The following KIF6 variants were observed in gnomAD, a reference collection of about 807,000 sequenced individuals.
KIF6 encodes the protein kinesin family member 6.
KIF6 carries 106 observed loss-of-function variants against 112.7 expected under a neutral mutation model. That is an observed-to-expected ratio of 0.94 (90% CI 0.80 to 1.11). The LOEUF (loss-of-function observed/expected upper bound fraction) is 1.11. KIF6 is among the 50% of genes least tolerant of loss of function. The pLI is 0.00. For synonymous variants in KIF6, 339 were observed against 339.9 expected (o/e 1.00, Z 0.03); for missense variants, 929 against 964.0 (o/e 0.96, Z 0.48).
chr6:39,540,823 A>G (rs1045790231), intron 12 of KIF6, among the ~76,000 whole-genome samples: 3 of 152,264 alleles, frequency 2.0e-5, no homozygotes, highest in Admixed American at 6.5e-5. Context: ...GTAACAGAAA[A>G]GAAGCGAATT....
chr6:39,477,753 C>T (rs536793010), intron 13 of KIF6, among the ~76,000 whole-genome samples: 3 of 151,892 alleles, frequency 2.0e-5, no homozygotes, highest in Non-Finnish European at 2.9e-5. Flanking sequence ...CCCAGCTACT[C>T]GGGAGGCTGA....
At chr6:39,477,327 C>A (rs1361123732) in intron 13 of KIF6, among the ~76,000 whole-genome samples, 2 of 152,106 alleles carry the variant, frequency 1.3e-5, no homozygotes, top group East Asian at 3.9e-4. Flanking sequence ...CTTATAAATG[C>A]ATGCGGATTT....
intron 3 of KIF6, chr6:39,690,686 G>T (rs1788148991): frequency 6.6e-6 from 1 of 152,296 alleles, no homozygotes; most frequent in African/African-American, 2.4e-5. Context: ...AGTAAAGGAG[G>T]ACTCAAGGTA....
chr6:39,662,909 CTCTT>C (rs1428452173), intron 3 of KIF6, among the ~76,000 whole-genome samples: 1 of 151,248 alleles, frequency 6.6e-6, no homozygotes, highest in Admixed American at 6.6e-5. Flanking sequence ...TTTTCTCTCT[CTCTT>C]TTTTTTTTTT....
intron 13 of KIF6, among the ~76,000 whole-genome samples, chr6:39,531,115 T>G (rs919297144): frequency 2.0e-5 from 3 of 152,214 alleles, no homozygotes; most frequent in Non-Finnish European, 4.4e-5. Flanking sequence ...TTAAAGTTAT[T>G]GGTAGAACTA....
intron 13 of KIF6, among the ~76,000 whole-genome samples, chr6:39,460,895 A>T (rs1396284787): frequency 6.6e-6 from 1 of 152,192 alleles, no homozygotes; most frequent in Non-Finnish European, 1.5e-5. Context: ...TCCTTGGCTT[A>T]GAATACCCTT....
chr6:39,430,449 G>T (rs1771071704), intron 14 of KIF6, among the ~76,000 whole-genome samples: 1 of 152,154 alleles, frequency 6.6e-6, no homozygotes, highest in Admixed American at 6.5e-5. Context: ...GATAGAGTTT[G>T]TTTGCTACAG....
At chr6:39,475,961 C>A (rs1203124990) in intron 13 of KIF6, among the ~76,000 whole-genome samples, 2 of 152,014 alleles carry the variant, frequency 1.3e-5, no homozygotes, top group Admixed American at 6.6e-5. Context: ...GAAAACCAAA[C>A]ACTGCATGTT....
At chr6:39,643,911 T>C (rs1358278925) in intron 3 of KIF6, among the ~76,000 whole-genome samples, 2 of 152,306 alleles carry the variant, frequency 1.3e-5, no homozygotes, top group East Asian at 3.9e-4. Context: ...ATGCAAATCA[T>C]ATCTATCTGG....
intron 22 of KIF6, among the ~76,000 whole-genome samples, chr6:39,340,603 C>T (rs767478775): frequency 6.6e-6 from 1 of 152,096 alleles, no homozygotes; most frequent in Non-Finnish European, 1.5e-5. Context: ...CTTACAGGAG[C>T]GTTAAGAGCA....
intron 13 of KIF6, among the ~76,000 whole-genome samples, chr6:39,472,000 C>A (rs2150441234): frequency 6.6e-6 from 1 of 152,326 alleles, no homozygotes; most frequent in East Asian, 1.9e-4. Flanking sequence ...AGCACCACGT[C>A]CTCATGCAAG....
At chr6:39,555,057 T>G (rs1157590965) in intron 10 of KIF6, 1 of 153,044 alleles carries the variant, frequency 6.5e-6, no homozygotes, top group Non-Finnish European at 1.5e-5. Context: ...GCTCTGGACT[T>G]CTCCCCGCCC....
intron 13 of KIF6, among the ~76,000 whole-genome samples, chr6:39,441,044 G>A (rs1429366280): frequency 6.6e-6 from 1 of 152,220 alleles, no homozygotes; most frequent in Non-Finnish European, 1.5e-5. Context: ...TGGAGATAGT[G>A]TCTTTACCTT....
chr6:39,385,590 AT>A (rs1400737905), intron 16 of KIF6, 31 bp downstream of exon 16: 1 of 1,573,276 alleles, frequency 6.4e-7, no homozygotes, highest in East Asian at 2.2e-5. Context: ...TATTACCTTC[AT>A]CCTCTTCCTG....
intron 5 of KIF6, chr6:39,617,767 C>A: frequency 2.2e-6 from 1 of 454,974 alleles, no homozygotes; most frequent in Non-Finnish European, 4.4e-6. Context: ...GTCTAGACAC[C>A]CTGACCTAGA....
intron 13 of KIF6, among the ~76,000 whole-genome samples, chr6:39,450,027 AT>A (rs1414542499): frequency 1.3e-5 from 2 of 152,008 alleles, no homozygotes. Context: ...TTTTGCTTTT[AT>A]TTTTATTTTC....
At chr6:39,372,601 C>T (rs1198833128) in intron 16 of KIF6, among the ~76,000 whole-genome samples, 1 of 152,136 alleles carries the variant, frequency 6.6e-6, no homozygotes, top group African/African-American at 2.4e-5. Flanking sequence ...ATTGCAAACA[C>T]AAAAAGTTCA....
intron 13 of KIF6, among the ~76,000 whole-genome samples, chr6:39,536,539 C>T (rs1778436727): frequency 6.6e-6 from 1 of 151,982 alleles, no homozygotes; most frequent in South Asian, 2.1e-4. Flanking sequence ...TCTGAATAGA[C>T]CAATAACAGG....
intron 3 of KIF6, among the ~76,000 whole-genome samples, chr6:39,658,468 G>T (rs769907217): frequency 6.6e-6 from 1 of 151,960 alleles, no homozygotes; most frequent in Non-Finnish European, 1.5e-5. Flanking sequence ...ATTCTATAAT[G>T]GTTAAAAGAC....
Sources: allele counts gnomAD v4.1 joint callset (sites outside exome capture counted in the v4.1 genomes callset), GRCh38; gene constraint gnomAD v4.1.1; transcripts MANE v1.5; gene names NCBI Gene and HGNC (gene_info 2026-07-23, HGNC 2026-07-21).